COL5A3: variants seen among roughly 807,000 people sequenced by gnomAD.
COL5A3 encodes collagen type V alpha 3 chain, also known as collagen alpha-3(V) chain.
In COL5A3, 172 loss-of-function variants were observed where a neutral mutation model predicts 250.0. That is an observed-to-expected ratio of 0.69 (90% CI 0.61 to 0.78). COL5A3 has a LOEUF of 0.78. COL5A3 is among the 30% of genes least tolerant of loss of function. COL5A3 has a pLI of 0.00. For synonymous variants in COL5A3, 937 were observed against 900.4 expected (o/e 1.04, Z -0.73); for missense variants, 2,340 against 2,334.4 (o/e 1.00, Z -0.05).
At chr19:9,996,343 A>G (rs2087271710) in intron 13 of COL5A3, 81 bp from the exon 14 acceptor site, 37 of 1,551,674 alleles carry the variant, frequency 2.4e-5, no homozygotes, top group Non-Finnish European at 3.1e-5. Flanking sequence ...CAGGAGAAAA[A>G]TAACCCCCTT....
rs759559517 is a variant in COL5A3 at position 9,977,244 on chromosome 19, G to A, written c.3273C>T (p.Gly1091=). ...VGAPGHKGSK[G]DKGDAGPPGQ... ...CTTCACTCACCGCGTCTCCTTTATC[G>A]CCTTTACTCCCCTTGTGTCCGGGGG... Residue 1091 remains glycine (G), a synonymous_variant, in exon 44 of 67, where the codon GGC becomes GGT. Transcript: ENST00000264828. 2.8e-5 allele frequency: 45 copies of A among 1,613,580 alleles called. No homozygotes were observed. Among genetic ancestry groups the A allele is most frequent in the South Asian group, 1.4e-4 (13 of 91,052 alleles).
Position 9,973,900 on chromosome 19 carries a change from GC to G in COL5A3, c.3558+18del. The G allele has an allele frequency of 6.3e-7, 1 of 1,589,530 alleles. No individual in the cohort carries two copies. Among genetic ancestry groups the G allele is most frequent in the Non-Finnish European group, 8.6e-7 (1 of 1,164,666 alleles). On this transcript the variant is annotated intron_variant, in intron 48 of 66. Coordinates refer to ENST00000264828, the MANE Select transcript of COL5A3 (RefSeq NM_015719.4). ...TTGTCCCCATCTCTGAGCCTTCCTG[GC>G]CCCCCAAGAGTTCTCACCTCTGATC... is the stretch of plus-strand genomic sequence containing the variant.
At chr19:9,993,509 G>A (rs2087225243) in intron 18 of COL5A3, 76 bp from the exon 19 acceptor site, 18 of 1,573,986 alleles carry the variant, frequency 1.1e-5, no homozygotes, top group Non-Finnish European at 1.6e-5. Flanking sequence ...AGGCAGATGG[G>A]GTGTGAGGAG....
In COL5A3 at chr19:10,001,836, G is replaced by T. The variant is rs921634447; in HGVS notation, c.895C>A (p.Pro299Thr). Residue 299 changes from proline (P) to threonine (T), a missense_variant, in exon 7 of 67, where the codon CCT (proline) becomes ACT (threonine). This residue lies in a region of COL5A3 where 1,152 missense variants were observed against 1,146.3 expected (regional missense o/e 1.00). Coordinates refer to ENST00000264828, the MANE Select transcript of COL5A3 (RefSeq NM_015719.4). ...PKTETPAPNL[P>T]PTPTPLVVTS... is the part of the protein sequence containing the mutation. Reference sequence around the variant, plus strand: ...ACGACCAAAGGCGTGGGGGTCGGAGGCAGATTTGGAGCTGGAGTCTCTGTC... The same window carrying T: ...ACGACCAAAGGCGTGGGGGTCGGAGTCAGATTTGGAGCTGGAGTCTCTGTC... 3 of 1,614,148 alleles carry T rather than the reference G, an allele frequency of 1.9e-6. No individual in the cohort carries two copies. The highest frequency in any genetic ancestry group is 8.5e-7 in the Non-Finnish European group (1 of 1,180,020).
At chr19:9,973,207 G>C (rs2086877290) in intron 50 of COL5A3, among the ~76,000 whole-genome samples, 181 bp from the exon 51 acceptor site, 1 of 152,170 alleles carries the variant, frequency 6.6e-6, no homozygotes, top group African/African-American at 2.4e-5. Context: ...TGAAAGGTCT[G>C]GATGGTCTAG....
At position 9,960,229 on chromosome 19, in the gene COL5A3, G is replaced by A; in HGVS notation, c.*182C>T. The A allele has an allele frequency of 1.4e-6, 1 of 726,584 alleles. No homozygotes were observed. Among genetic ancestry groups the A allele is most frequent in the Middle Eastern group, 4.0e-4 (1 of 2,522 alleles). The allele number at this position is 726,584 out of a possible 1,614,324, so 45.0% of individuals were successfully genotyped here. On this transcript the variant is annotated 3_prime_UTR_variant, in exon 67 of 67. Transcript: ENST00000264828. ...GGGTGAGAGGAGGCTGGACCCTTGGGCCAGGGAACCCCAGCCCCCAGCACC... is the reference window on the plus strand; with the variant it reads ...GGGTGAGAGGAGGCTGGACCCTTGGACCAGGGAACCCCAGCCCCCAGCACC...
intron 8 of COL5A3, among the ~76,000 whole-genome samples, chr19:10,001,020 T>G (rs1170670363): frequency 1.3e-5 from 2 of 151,944 alleles, no homozygotes; most frequent in Non-Finnish European, 2.9e-5. Context: ...ATGAAATAAA[T>G]AATCTGTACA....
chr19:10,000,860 A>G (rs535951933), intron 8 of COL5A3, among the ~76,000 whole-genome samples: 12 of 152,232 alleles, frequency 7.9e-5, no homozygotes, highest in African/African-American at 2.4e-4. Flanking sequence ...CATATACCAC[A>G]TGTTCTCACT....
intron 53 of COL5A3, 57 bp downstream of exon 53, chr19:9,970,918 C>A: frequency 8.0e-7 from 1 of 1,251,024 alleles, no homozygotes; most frequent in Non-Finnish European, 1.1e-6. Context: ...CCAATTCACT[C>A]ACTCATTAGC....
chr19:10,003,926 A>G (rs1383785559), intron 5 of COL5A3, 115 bp downstream of exon 5: 1 of 1,046,874 alleles, frequency 9.6e-7, no homozygotes, highest in East Asian at 2.4e-5. Flanking sequence ...GTTGGAGGTC[A>G]CGGGTCACTT....
chr19:10,001,137 T>A (rs868205667), intron 8 of COL5A3, among the ~76,000 whole-genome samples: 1 of 152,120 alleles, frequency 6.6e-6, no homozygotes, highest in Non-Finnish European at 1.5e-5. Flanking sequence ...TTAAATAATT[T>A]TTTTAAATTG....
rs772623937 is a variant in COL5A3, at chr19:9,989,359, G to T, written c.2054C>A (p.Pro685Gln). 33 of 1,614,120 alleles carry T rather than the reference G, an allele frequency of 2.0e-5. No homozygotes were observed. Among genetic ancestry groups the T allele is most frequent in the Non-Finnish European group, 2.8e-5 (33 of 1,180,012 alleles). ...LPGSDGPLGH[P>Q]GHEGPTGEKG... ...CTCTCCCGTGGGGCCCTCATGTCCT[G>T]GGTGACCCTGGGGAAGAAACATTCT... The change falls in exon 26 of 67, where the codon CCA becomes CAA. Residue 685 changes from proline (P) to glutamine (Q), a missense_variant. Physicochemically the swap from Pro to Gln is moderately conservative, Grantham distance 76. Transcript: ENST00000264828.
At chr19:10,006,540 G>A (rs2087446933) in intron 1 of COL5A3, among the ~76,000 whole-genome samples, 2 of 152,156 alleles carry the variant, frequency 1.3e-5, no homozygotes, top group African/African-American at 4.8e-5. Context: ...AAGCCCCAGA[G>A]TGGAACGGTC....
rs777011833 is a variant in COL5A3 at position 9,970,636 on chromosome 19, G to A, written c.3922C>T (p.Pro1308Ser). The A allele has an allele frequency of 1.0e-5, 15 of 1,453,162 alleles. No individual in the cohort carries two copies. The highest frequency in any genetic ancestry group is 1.3e-5 in the Non-Finnish European group (14 of 1,104,414). The allele number at this position is 1,453,162 out of a possible 1,614,324, so 90.0% of individuals were successfully genotyped here. ...GASGEPGAPG[P>S]PGKRGPSGHM... Reference sequence around the variant, plus strand: ...TTATCACTTACCCTCTTGCCGGGGGGCCCGGGGGCGCCGGGCTCCCCAGAA... The same window carrying A: ...TTATCACTTACCCTCTTGCCGGGGGACCCGGGGGCGCCGGGCTCCCCAGAA... The change falls in exon 54 of 67, where the codon CCC becomes TCC. Residue 1308 changes from proline to serine, a missense_variant. Physicochemically the swap from Pro to Ser is moderately conservative, Grantham distance 74. Around this residue, in one of 3 missense-constraint regions of COL5A3, gnomAD observed 1,179 missense variants for 1,162.6 expected, o/e 1.01. Transcript: ENST00000264828.
At chr19:9,969,231 A>G (rs1432400192) in intron 57 of COL5A3, 118 bp downstream of exon 57, 3 of 852,606 alleles carry the variant, frequency 3.5e-6, no homozygotes, top group African/African-American at 3.4e-5. Context: ...GACAGGCAGT[A>G]TGGACACTCA....
chr19:9,973,626 G>A lies in COL5A3; in HGVS notation c.3613-3C>T. The A allele has an allele frequency of 6.2e-7, 1 of 1,612,610 alleles. No individual in the cohort carries two copies. The highest frequency in any genetic ancestry group is 8.5e-7 in the Non-Finnish European group (1 of 1,179,188). ...TCTCCAGCGTCCCCTCGCTCACCCT[G>A]CAGGAGGCAAAGTGAGAGTGGGGAG... On this transcript the variant is annotated splice_polypyrimidine_tract_variant and splice_region_variant and intron_variant, in intron 49 of 66. Coordinates refer to ENST00000264828, the MANE Select transcript of COL5A3 (RefSeq NM_015719.4).
In COL5A3 at chr19:9,997,495, A is replaced by T. The variant is rs189670480; in HGVS notation, c.1201-62T>A. The T allele has an allele frequency of 1.3e-3, 1,449 of 1,096,730 alleles. 16 individuals are homozygous for T. The highest frequency in any genetic ancestry group is 3.3e-4 in the Non-Finnish European group (251 of 749,488). The allele number at this position is 1,096,730 out of a possible 1,614,324, so 67.9% of individuals were successfully genotyped here. ...CAAAGTTTGAGCTAGGCTGACTTTC[A>T]ACCTACCACTGACTCTAACCTCAGG... On this transcript the variant is annotated intron_variant, in intron 10 of 66. Coordinates refer to ENST00000264828, the MANE Select transcript of COL5A3 (RefSeq NM_015719.4).
Position 10,010,427 on chromosome 19 carries a change from G to A in COL5A3, c.-42C>T, listed in dbSNP as rs116488547. 5 of 1,281,234 alleles carry A rather than the reference G, an allele frequency of 3.9e-6. No individual in the cohort carries two copies. Among genetic ancestry groups the A allele is most frequent in the Non-Finnish European group, 5.0e-6 (5 of 992,236 alleles). The allele number at this position is 1,281,234 out of a possible 1,614,324, so 79.4% of individuals were successfully genotyped here. On this transcript the variant is annotated 5_prime_UTR_variant, in exon 1 of 67. Transcript: ENST00000264828. ...GGCAAGGCGGGGAACCAGTCGGGGCGGCTGCGGGGCGCGGCGACTTCTCGG... is the reference window on the plus strand; with the variant it reads ...GGCAAGGCGGGGAACCAGTCGGGGCAGCTGCGGGGCGCGGCGACTTCTCGG...
chr19:9,985,622 TCTCGAACTCCTGGGCTCAAGCAATC>T (rs2087088703), intron 31 of COL5A3, among the ~76,000 whole-genome samples, 195 bp downstream of exon 31: 1 of 152,112 alleles, frequency 6.6e-6, no homozygotes, highest in Admixed American at 6.5e-5. Context: ...CCCAGTCTGG[TCTCGAACTCCTGGGCTCAAGCAATC>T]CTCTCACCTC....
Sources: allele counts gnomAD v4.1 joint callset (sites outside exome capture counted in the v4.1 genomes callset), GRCh38; gene constraint gnomAD v4.1.1; regional missense constraint gnomAD v4.1.1; transcripts MANE v1.5; gene names NCBI Gene and HGNC (gene_info 2026-07-23, HGNC 2026-07-21).